Variants in FYTTD1 observed in about 807,000 individuals in gnomAD.
FYTTD1 encodes forty-two-three domain containing 1, also known as UAP56-interacting factor.
A neutral mutation model predicts 40.9 loss-of-function variants in FYTTD1; 22 were observed. The ratio of observed to expected loss-of-function variants is 0.54; its 90% CI spans 0.38 to 0.77. The LOEUF is 0.77. Among genes scored for constraint, FYTTD1 ranks in the 30% least tolerant of loss-of-function variants. FYTTD1 has a pLI of 0.00. For synonymous variants in FYTTD1, 140 were observed against 137.9 expected (o/e 1.01, Z -0.10); for missense variants, 351 against 392.2 (o/e 0.90, Z 0.89).
chr3:197,750,566 C>T, intron 1 of FYTTD1: 3 of 985,362 alleles, frequency 3.0e-6, no homozygotes, highest in Non-Finnish European at 3.6e-6. Context: ...GCTTCCGGAG[C>T]TTTCCCTGGT....
intron 2 of FYTTD1, among the ~76,000 whole-genome samples, chr3:197,759,285 A>G (rs144341986): frequency 6.6e-6 from 1 of 151,888 alleles, no homozygotes; most frequent in East Asian, 1.9e-4. Context: ...GGTAGAACAT[A>G]TAGAGTGTTC....
intron 2 of FYTTD1, among the ~76,000 whole-genome samples, chr3:197,765,732 C>T (rs1342515127): frequency 1.3e-5 from 2 of 151,876 alleles, no homozygotes; most frequent in African/African-American, 4.8e-5. Context: ...CGCAGTGGCT[C>T]ACACCTGTAA....
Position 197,756,496 on chromosome 3 carries a change from C to G in FYTTD1, c.174C>G (p.Leu58=), listed in dbSNP as rs771268080. ...TTCCAAGACTAAATAGAAGACTCCTCCAGCAAAGTGGTGCCCAGCAATTCA... is the reference window on the plus strand; with the variant it reads ...TTCCAAGACTAAATAGAAGACTCCTGCAGCAAAGTGGTGCCCAGCAATTCA... The part of the protein sequence containing the change: ...QNFPRLNRRL[L]QQSGAQQFRM... The change falls in exon 2 of 9, where the codon CTC becomes CTG. Residue 58 remains leucine (L), a synonymous_variant. Coordinates refer to ENST00000241502, the MANE Select transcript of FYTTD1 (RefSeq NM_032288.7). 3 of 1,612,724 alleles carry G rather than the reference C, an allele frequency of 1.9e-6. No individual in the cohort carries two copies. Among genetic ancestry groups the G allele is most frequent in the South Asian group, 1.1e-5 (1 of 91,060 alleles).
chr3:197,779,634 G>A (rs1580471026), intron 8 of FYTTD1, among the ~76,000 whole-genome samples: 2 of 137,754 alleles, frequency 1.5e-5, no homozygotes, highest in Admixed American at 8.4e-5. Flanking sequence ...AGACTCAAAC[G>A]ATCCTTCCTC....
chr3:197,749,703 A>G, upstream of FYTTD1: 1 of 638,790 alleles, frequency 1.6e-6, no homozygotes, highest in Non-Finnish European at 2.8e-6. Context: ...ACTGCTCACA[A>G]CGGCGGTCCT....
chr3:197,750,256 G>A, intron 1 of FYTTD1, 182 bp downstream of exon 1: 1 of 894,896 alleles, frequency 1.1e-6, no homozygotes, highest in Non-Finnish European at 1.5e-6. Flanking sequence ...CAGGTGCCCG[G>A]CTGGACCGCG....
Position 197,756,482 on chromosome 3 carries a change from A to T in FYTTD1, c.160A>T (p.Asn54Tyr), listed in dbSNP as rs771938293. The T allele has an allele frequency of 6.2e-7, 1 of 1,611,608 alleles. No individual in the cohort carries two copies. The highest frequency in any genetic ancestry group is 2.2e-5 in the East Asian group (1 of 44,852). ...EGKKQNFPRL[N>Y]RRLLQQSGAQ... ...GAAGAAGCAGAATTTTCCAAGACTAAATAGAAGACTCCTCCAGCAAAGTGG... is the reference window on the plus strand; with the variant it reads ...GAAGAAGCAGAATTTTCCAAGACTATATAGAAGACTCCTCCAGCAAAGTGG... Residue 54 changes from asparagine to tyrosine, a missense_variant, in exon 2 of 9, where the codon AAT (asparagine) becomes TAT (tyrosine). Coordinates refer to ENST00000241502, the MANE Select transcript of FYTTD1 (RefSeq NM_032288.7).
At chr3:197,756,587 A>G (rs763769305) in intron 2 of FYTTD1, 30 bp downstream of exon 2, 21 of 1,599,550 alleles carry the variant, frequency 1.3e-5, no homozygotes, top group Non-Finnish European at 1.7e-5. Context: ...TTTAATGGAA[A>G]GCTGTTATTT....
chr3:197,781,678 T>C, intron 8 of FYTTD1, 133 bp from the exon 9 acceptor site: 1 of 612,740 alleles, frequency 1.6e-6, no homozygotes, highest in Non-Finnish European at 2.9e-6. Flanking sequence ...TACATGTAAA[T>C]ATTTAGGAAA....
chr3:197,763,518 T>C (rs1461272838), intron 2 of FYTTD1: 1 of 452,060 alleles, frequency 2.2e-6, no homozygotes, highest in Non-Finnish European at 4.4e-6. Context: ...GGTTCGTGCT[T>C]GTAATCCCAG....
intron 8 of FYTTD1, among the ~76,000 whole-genome samples, chr3:197,780,311 C>T (rs1235771135): frequency 4.6e-5 from 7 of 152,298 alleles, no homozygotes; most frequent in African/African-American, 7.2e-5. Context: ...CTCAAGCCAC[C>T]GCCTGCCTTC....
intron 1 of FYTTD1, among the ~76,000 whole-genome samples, chr3:197,752,804 T>C (rs1032493625): frequency 6.6e-6 from 1 of 152,204 alleles, no homozygotes; most frequent in African/African-American, 2.4e-5. Flanking sequence ...TATTTCCATT[T>C]TACAGAAATC....
intron 5 of FYTTD1, 144 bp downstream of exon 5, chr3:197,773,643 T>G: frequency 1.8e-6 from 1 of 567,484 alleles, no homozygotes; most frequent in Non-Finnish European, 3.1e-6. Flanking sequence ...TAGTTCTTCC[T>G]GTTGTATGTT....
chr3:197,751,143 C>T (rs1446846123), intron 1 of FYTTD1, among the ~76,000 whole-genome samples: 7 of 152,124 alleles, frequency 4.6e-5, no homozygotes, highest in Non-Finnish European at 8.8e-5. Context: ...AACCTTCTTT[C>T]GGTTTTCATT....
chr3:197,756,480 T>TAAATAG lies in FYTTD1; in HGVS notation c.161_166dup (p.Asn54_Arg55dup). ...GGGAAGAAGCAGAATTTTCCAAGAC[T>TAAATAG]AAATAGAAGACTCCTCCAGCAAAGT... On this transcript the variant is annotated inframe_insertion, in exon 2 of 9. Transcript: ENST00000241502. 1 of 1,611,316 alleles carries TAAATAG rather than the reference T, an allele frequency of 6.2e-7. No individual in the cohort carries two copies. Among genetic ancestry groups the TAAATAG allele is most frequent in the Non-Finnish European group, 8.5e-7 (1 of 1,177,422 alleles).
chr3:197,749,870 T>C, upstream of FYTTD1: 1 of 708,642 alleles, frequency 1.4e-6, no homozygotes, highest in Non-Finnish European at 2.1e-6. Context: ...CGCCGGCGCG[T>C]GCGCGCTCCC....
rs1187224428 is a variant in FYTTD1, at chr3:197,778,341, T to C, written c.735T>C (p.Thr245=). The change falls in exon 8 of 9, where the codon ACT becomes ACC. Residue 245 remains threonine, a synonymous_variant. Coordinates refer to ENST00000241502, the MANE Select transcript of FYTTD1 (RefSeq NM_032288.7). ...TATTTTAATATTTTTCTAATAGAAC[T>C]CAGAAACCACGATTAACTCGTACTG... is the stretch of plus-strand genomic sequence containing the variant. ...DNPGAVQCPV[T]QKPRLTRTAV... The C allele has an allele frequency of 6.3e-7, 1 of 1,591,576 alleles. No homozygotes were observed. Among genetic ancestry groups the C allele is most frequent in the Non-Finnish European group, 8.5e-7 (1 of 1,172,342 alleles).
chr3:197,762,762 G>A (rs1191068009), intron 2 of FYTTD1, among the ~76,000 whole-genome samples: 9 of 151,988 alleles, frequency 5.9e-5, no homozygotes, highest in African/African-American at 2.2e-4. Context: ...GGCACCTGTA[G>A]TCCCAGCTGC....
At position 197,784,407 on chromosome 3, in the gene FYTTD1, C is replaced by G. The variant is rs998131179; in HGVS notation, c.*2498C>G. The G allele has an allele frequency of 6.6e-5, 10 of 152,172 alleles. No homozygotes were observed. Among genetic ancestry groups the G allele is most frequent in the Non-Finnish European group, 1.2e-4 (8 of 68,022 alleles). The allele number at this position is 152,172 out of a possible 1,614,324, so 9.4% of individuals were successfully genotyped here. On this transcript the variant is annotated 3_prime_UTR_variant, in exon 9 of 9. Coordinates refer to ENST00000241502, the MANE Select transcript of FYTTD1 (RefSeq NM_032288.7). ...TAGTTTTTAGGGTGTGAAACCTTATCTACTAGCAAAATTGGTAAATCACTG... is the reference window on the plus strand; with the variant it reads ...TAGTTTTTAGGGTGTGAAACCTTATGTACTAGCAAAATTGGTAAATCACTG...
Sources: gnomAD v4.1 joint callset for allele counts (sites outside exome capture counted in the v4.1 genomes callset) on GRCh38, gnomAD v4.1.1 for gene constraint, MANE v1.5 for transcripts, NCBI Gene and HGNC (gene_info 2026-07-23, HGNC 2026-07-21) for gene names.